The following MCRIP1 variants were observed in gnomAD, a reference collection of about 807,000 sequenced individuals.
MCRIP1 encodes MAPK regulated corepressor interacting protein 1.
A neutral mutation model predicts 14.4 loss-of-function variants in MCRIP1; 10 were observed. The observed-to-expected ratio is 0.70, with a 90% confidence interval of 0.43 to 1.18. The LOEUF (loss-of-function observed/expected upper bound fraction) is 1.18. MCRIP1 is among the 50% of genes most tolerant of loss of function. The pLI is 0.00. For synonymous variants in MCRIP1, 53 were observed against 55.7 expected (o/e 0.95, Z 0.21); for missense variants, 119 against 135.4 (o/e 0.88, Z 0.60).
chr17:81,823,130 G>A lies in MCRIP1; in HGVS notation c.*117C>T. The A allele has an allele frequency of 1.0e-6, 1 of 962,994 alleles. No individual in the cohort carries two copies. The highest frequency in any genetic ancestry group is 1.6e-6 in the Non-Finnish European group (1 of 629,770). 59.7% of individuals were successfully genotyped at this position (962,994 alleles called of 1,614,324 possible). On this transcript the variant is annotated 3_prime_UTR_variant, in exon 5 of 5. Coordinates refer to ENST00000455127, the MANE Select transcript of MCRIP1 (RefSeq NM_207368.5). The surrounding 1 kb of genome is among the most constrained non-coding windows in gnomAD (Gnocchi z 6.0). ...TCAGCCGTCAGTCACGCCAGTGCTG[G>A]GATCTGCAGCCCGCTGGAGCAAGGC...
chr17:81,825,633 A>G (rs1298380654), intron 1 of MCRIP1: 2 of 1,289,274 alleles, frequency 1.6e-6, no homozygotes, highest in Non-Finnish European at 2.0e-6. Context: ...CCACGTGATA[A>G]GAATCCCACG....
intron 1 of MCRIP1, among the ~76,000 whole-genome samples, chr17:81,826,905 G>A (rs1221554846): frequency 1.3e-5 from 2 of 151,404 alleles, no homozygotes; most frequent in African/African-American, 4.9e-5. Context: ...GGATCACAAG[G>A]TCAGGAGTTC....
chr17:81,831,005 T>TA (rs199781153), intron 1 of MCRIP1, among the ~76,000 whole-genome samples: 19 of 149,646 alleles, frequency 1.3e-4, no homozygotes, highest in East Asian at 2.0e-4. Context: ...CCATCTCTAC[T>TA]AAAAAAAAAT....
At chr17:81,833,167 C>A (rs1196985719) in intron 1 of MCRIP1, 71 bp downstream of exon 1, 1 of 146,768 alleles carries the variant, frequency 6.8e-6, no homozygotes. Flanking sequence ...CGCGGCGACA[C>A]CAGGGCGGGG....
Position 81,823,457 on chromosome 17 carries a change from G to T in MCRIP1, c.184C>A (p.Leu62Met), listed in dbSNP as rs1246496023. Residue 62 changes from leucine to methionine, a missense_variant, in exon 4 of 5, where the codon CTG becomes ATG. Transcript: ENST00000455127. This position sits in a 1 kb window ranked among gnomAD's most constrained non-coding sequence, Gnocchi z 6.0. ...ACCTTCTCCACATACTCCTCCACCAGGCCCCGCTCGCCACCCGGCACCTGG... is the reference window on the plus strand; with the variant it reads ...ACCTTCTCCACATACTCCTCCACCATGCCCCGCTCGCCACCCGGCACCTGG... ...RGQVPGGERG[L>M]VEEYVEKVPN... 2 of 1,536,636 alleles carry T rather than the reference G, an allele frequency of 1.3e-6. No homozygotes were observed. The highest frequency in any genetic ancestry group is 1.7e-6 in the Non-Finnish European group (2 of 1,146,742).
At chr17:81,824,150 A>G in intron 3 of MCRIP1, 137 bp downstream of exon 3, 1 of 732,236 alleles carries the variant, frequency 1.4e-6, no homozygotes, top group Non-Finnish European at 2.3e-6. Flanking sequence ...CTGTGGACAC[A>G]GTGATGGGGC....
At chr17:81,825,982 C>A in intron 1 of MCRIP1, 1 of 1,338,122 alleles carries the variant, frequency 7.5e-7, no homozygotes, top group Non-Finnish European at 9.8e-7. Context: ...CTGCCTCGCC[C>A]CCTGCTGGCT....
At chr17:81,826,937 G>A (rs1349742307) in intron 1 of MCRIP1, among the ~76,000 whole-genome samples, 2 of 151,782 alleles carry the variant, frequency 1.3e-5, no homozygotes, top group Admixed American at 6.6e-5. Flanking sequence ...GGCCAATATG[G>A]TGAAACCCTG....
At chr17:81,831,947 A>G (rs1315808452) in intron 1 of MCRIP1, among the ~76,000 whole-genome samples, 1 of 152,078 alleles carries the variant, frequency 6.6e-6, no homozygotes, top group African/African-American at 2.4e-5. Flanking sequence ...CAGGGGACCC[A>G]AGGGCTTTAG....
chr17:81,832,179 G>A (rs1161933440), intron 1 of MCRIP1, among the ~76,000 whole-genome samples: 1 of 152,160 alleles, frequency 6.6e-6, no homozygotes, highest in Admixed American at 6.5e-5. Context: ...CTTTCTCTTC[G>A]TGTTCTGTGT....
chr17:81,826,087 C>T (rs1481528118), intron 1 of MCRIP1: 2 of 1,475,036 alleles, frequency 1.4e-6, no homozygotes. Context: ...CCTCCAGTGG[C>T]CACTTGGCCT....
At chr17:81,825,532 G>T (rs139239506) in intron 1 of MCRIP1, 1 of 1,275,060 alleles carries the variant, frequency 7.8e-7, no homozygotes, top group Non-Finnish European at 1.0e-6. Flanking sequence ...CAGGGCACAC[G>T]GCTGCAGCCC....
Position 81,833,109 on chromosome 17 carries a change from A to G in MCRIP1, c.-49+129T>C, listed in dbSNP as rs2038555815. 2.8e-5 allele frequency: 4 copies of G among 145,260 alleles called. No homozygotes were observed. The South Asian group carries it at 8.5e-4, about 31-fold the overall frequency. 9.0% of individuals were successfully genotyped at this position (145,260 alleles called of 1,614,324 possible). On this transcript the variant is annotated intron_variant, in intron 1 of 4. Transcript: ENST00000455127. ...TCCCTCGGACCCCGGCTGCCCGGCC[A>G]CTCCCCCGCGCCCGGCCCCGCCCGG...
At chr17:81,826,515 C>G (rs140438341) in intron 1 of MCRIP1, 1 of 632,634 alleles carries the variant, frequency 1.6e-6, no homozygotes, top group Non-Finnish European at 2.6e-6. Context: ...AGAGCAAGAC[C>G]CTGTGTCAAA....
intron 1 of MCRIP1, among the ~76,000 whole-genome samples, chr17:81,826,858 G>A (rs1052783741): frequency 1.3e-4 from 19 of 141,070 alleles, no homozygotes; most frequent in Admixed American, 1.2e-3. Context: ...GGTGGCTCAC[G>A]CCTGTAATCC....
chr17:81,826,453 G>C, intron 1 of MCRIP1: 1 of 1,395,240 alleles, frequency 7.2e-7, no homozygotes. Context: ...AGCCCAGGAG[G>C]TCAAGGCTGC....
At chr17:81,825,697 C>G (rs2038376933) in intron 1 of MCRIP1, 1 of 1,289,436 alleles carries the variant, frequency 7.8e-7, no homozygotes. Context: ...CCCTGGAACT[C>G]TGTGCCCCAT....
rs143699038 is a variant in MCRIP1 at position 81,824,623 on chromosome 17, G to A, written c.-48-69C>T. On this transcript the variant is annotated intron_variant, in intron 1 of 4. Transcript: ENST00000455127. ...CTCCAGCACAGAAGGAGGGGGAGGC[G>A]CAGGGCACACCTGCCTCCTCCCTTC... 5.2e-3 allele frequency: 8,025 copies of A among 1,532,580 alleles called. 336 individuals carry two copies. The African/African-American group carries it at 0.095, about 18-fold the overall frequency. The allele number at this position is 1,532,580 out of a possible 1,614,324, so 94.9% of individuals were successfully genotyped here. A position where few individuals can be genotyped will look rare whatever the true frequency, so the allele number is the denominator to read the frequency against.
chr17:81,826,691 C>CGT, intron 1 of MCRIP1: 1 of 357,472 alleles, frequency 2.8e-6, no homozygotes, highest in South Asian at 3.7e-5. Flanking sequence ...TGGTGGCAGG[C>CGT]ACCCGTAATC....
Sources: gnomAD v4.1 joint callset for allele counts (sites outside exome capture counted in the v4.1 genomes callset) on GRCh38, gnomAD v4.1.1 for gene constraint, Gnocchi (gnomAD v3.1) non-coding constraint, MANE v1.5 for transcripts, NCBI Gene and HGNC (gene_info 2026-07-23, HGNC 2026-07-21) for gene names.